The following PREP variants were observed in gnomAD, a reference collection of about 807,000 sequenced individuals.
The protein encoded by PREP is dJ355L5.1 (prolyl endopeptidase).
PREP carries 29 observed loss-of-function variants against 87.6 expected under a neutral mutation model. The observed-to-expected ratio is 0.33, with a 90% CI of 0.25 to 0.45. The LOEUF (loss-of-function observed/expected upper bound fraction) is 0.45. Among genes scored for constraint, PREP ranks in the 20% least tolerant of loss-of-function variants. The pLI is 1.00. For missense variants in PREP, 695 were observed against 886.5 expected, an observed-to-expected ratio of 0.78 and a Z score of 2.74; for synonymous variants, 337 against 328.6, an observed-to-expected ratio of 1.03 and a Z score of -0.28.
At chr6:105,380,510 G>A (rs1381306436) in intron 2 of PREP, among the ~76,000 whole-genome samples, 2 of 152,202 alleles carry the variant, frequency 1.3e-5, no homozygotes, top group South Asian at 4.1e-4. Context: ...AGTGGAGACA[G>A]ACAGGCCAGT....
chr6:105,291,994 T>G (rs539814871), intron 10 of PREP, among the ~76,000 whole-genome samples: 1 of 152,280 alleles, frequency 6.6e-6, no homozygotes, highest in African/African-American at 2.4e-5. Flanking sequence ...AGCAGTTCAA[T>G]CACATATGCA....
chr6:105,308,787 G>A (rs1257523259), intron 10 of PREP, among the ~76,000 whole-genome samples: 1 of 152,166 alleles, frequency 6.6e-6, no homozygotes, highest in Non-Finnish European at 1.5e-5. Context: ...GGACTCTGGG[G>A]ACACAGCAGT....
chr6:105,322,660 A>G, intron 10 of PREP: 1 of 991,608 alleles, frequency 1.0e-6, no homozygotes, highest in Non-Finnish European at 1.2e-6. Flanking sequence ...CACAGGCAAT[A>G]TGTAAACAAA....
chr6:105,402,449 A>ACAAAC (rs1562233112), intron 1 of PREP, among the ~76,000 whole-genome samples: 2 of 126,066 alleles, frequency 1.6e-5, no homozygotes, highest in African/African-American at 7.9e-5. Context: ...CACACACACA[A>ACAAAC]ACACACACAC....
At chr6:105,402,742 C>T in intron 1 of PREP, 105 bp downstream of exon 1, 2 of 1,081,472 alleles carry the variant, frequency 1.8e-6, no homozygotes, top group Non-Finnish European at 2.6e-6. Flanking sequence ...AGGGGAGGGA[C>T]GCGGGGGTCG....
chr6:105,373,108 G>A (rs1772599310), intron 5 of PREP, among the ~76,000 whole-genome samples: 1 of 152,210 alleles, frequency 6.6e-6, no homozygotes. Context: ...GCTGACCACA[G>A]ATACATGTTA....
intron 2 of PREP, among the ~76,000 whole-genome samples, chr6:105,391,031 TTA>T (rs1773128718): frequency 8.3e-6 from 1 of 119,892 alleles, no homozygotes; most frequent in East Asian, 2.2e-4. Context: ...GTCTCTGGTT[TTA>T]TACACACACA....
chr6:105,293,202 C>T (rs1770335726), intron 10 of PREP, among the ~76,000 whole-genome samples: 1 of 152,206 alleles, frequency 6.6e-6, no homozygotes, highest in Admixed American at 6.5e-5. Context: ...CCTCACTGAG[C>T]TTAACCCTTT....
chr6:105,339,270 C>G (rs951215974), intron 7 of PREP, among the ~76,000 whole-genome samples: 5 of 152,122 alleles, frequency 3.3e-5, no homozygotes, highest in South Asian at 2.1e-4. Context: ...CCCAGGCAAA[C>G]AGCATCTGGA....
At chr6:105,328,804 A>G in intron 9 of PREP, 25 bp downstream of exon 9, 1 of 1,609,744 alleles carries the variant, frequency 6.2e-7, no homozygotes, top group South Asian at 1.1e-5. Flanking sequence ...TTTAAAGTGA[A>G]CAGCAACAGT....
chr6:105,377,586 T>C, intron 2 of PREP, 67 bp from the exon 3 acceptor site: 1 of 1,533,300 alleles, frequency 6.5e-7, no homozygotes, highest in Non-Finnish European at 8.9e-7. Flanking sequence ...TATTATCCAC[T>C]AATATGTATC....
intron 10 of PREP, among the ~76,000 whole-genome samples, chr6:105,315,864 GC>G (rs1326513349): frequency 6.6e-6 from 1 of 152,164 alleles, no homozygotes; most frequent in African/African-American, 2.4e-5. Flanking sequence ...CTAATGTTCT[GC>G]AGCTTTCTCA....
chr6:105,355,615 A>C (rs1404555039), intron 6 of PREP, among the ~76,000 whole-genome samples: 1 of 152,156 alleles, frequency 6.6e-6, no homozygotes, highest in Non-Finnish European at 1.5e-5. Flanking sequence ...GAGCTTCCTG[A>C]ATCTGTTGAT....
At chr6:105,392,534 T>G (rs1773180252) in intron 2 of PREP, among the ~76,000 whole-genome samples, 1 of 152,176 alleles carries the variant, frequency 6.6e-6, no homozygotes. Flanking sequence ...GCGTTTAGTT[T>G]GTATTTCCAT....
At chr6:105,306,977 G>A (rs1770670334) in intron 10 of PREP, among the ~76,000 whole-genome samples, 1 of 152,040 alleles carries the variant, frequency 6.6e-6, no homozygotes, top group African/African-American at 2.4e-5. Context: ...ATTTCCACTG[G>A]ATTGGTGCCT....
At position 105,343,483 on chromosome 6, in the gene PREP, T is replaced by TAAAGCACGA. The variant is rs1410331313; in HGVS notation, c.823+9480_823+9488dup. Among the ~76,000 whole-genome samples the TAAAGCACGA allele has an allele frequency of 3.3e-5, 5 of 152,168 alleles. No homozygotes were observed. The East Asian group carries it at 9.6e-4, about 29-fold the overall frequency. ...CAGGCATGGGCAAGGACTTCATGAC[T>TAAAGCACGA]AAAGCACGAAAAGCAATGCCAACAG... is the stretch of plus-strand genomic sequence containing the variant. On this transcript the variant is annotated intron_variant, in intron 7 of 14. Transcript: ENST00000652536.
chr6:105,283,253 G>C (rs942027577), intron 12 of PREP, among the ~76,000 whole-genome samples: 21 of 152,338 alleles, frequency 1.4e-4, no homozygotes, highest in African/African-American at 4.3e-4. Context: ...CGTTTCCCCA[G>C]AGAATCTGGG....
chr6:105,344,672 G>T (rs886857199), intron 7 of PREP, among the ~76,000 whole-genome samples: 3 of 151,616 alleles, frequency 2.0e-5, no homozygotes, highest in Non-Finnish European at 4.4e-5. Flanking sequence ...ACACACCAGG[G>T]CCTGTCGTGG....
intron 10 of PREP, among the ~76,000 whole-genome samples, chr6:105,292,171 C>T (rs920746016): frequency 1.3e-5 from 2 of 152,158 alleles, no homozygotes; most frequent in Non-Finnish European, 2.9e-5. Flanking sequence ...CATGAATGTT[C>T]TTCATGGTAT....
Sources: allele counts gnomAD v4.1 joint callset (sites outside exome capture counted in the v4.1 genomes callset), GRCh38; gene constraint gnomAD v4.1.1; transcripts MANE v1.5; gene names NCBI Gene and HGNC (gene_info 2026-07-23, HGNC 2026-07-21).